Variants in CSRNP3 observed in about 807,000 individuals in gnomAD.
The protein encoded by CSRNP3 is cysteine/serine-rich nuclear protein 3.
A neutral mutation model predicts 48.0 loss-of-function variants in CSRNP3; 12 were observed. The ratio of observed to expected loss-of-function variants is 0.25; its 90% CI spans 0.16 to 0.41. CSRNP3 has a LOEUF of 0.41. Among genes scored for constraint, CSRNP3 ranks in the 10% least tolerant of loss-of-function variants. CSRNP3 has a pLI of 1.00. For missense variants in CSRNP3, 580 were observed against 724.4 expected (o/e 0.80, Z 2.29); for synonymous variants, 263 against 269.7 (o/e 0.98, Z 0.24).
chr2:165,475,373 T>G (rs1683947022), intron 1 of CSRNP3, among the ~76,000 whole-genome samples: 1 of 152,146 alleles, frequency 6.6e-6, no homozygotes, highest in Admixed American at 6.6e-5. Flanking sequence ...AAAACTGATC[T>G]TGGGGATGCC....
chr2:165,613,480 T>C (rs1686174165), intron 4 of CSRNP3, among the ~76,000 whole-genome samples: 1 of 152,166 alleles, frequency 6.6e-6, no homozygotes, highest in Non-Finnish European at 1.5e-5. Flanking sequence ...CTTAGACCAA[T>C]GAGATGAAGA....
At chr2:165,669,592 C>A (rs1365227226) in intron 5 of CSRNP3, among the ~76,000 whole-genome samples, 2 of 152,094 alleles carry the variant, frequency 1.3e-5, no homozygotes, top group Non-Finnish European at 2.9e-5. Flanking sequence ...TTTAGATGGG[C>A]AAAATGATTT....
At chr2:165,479,301 CA>C (rs1684009173) in intron 1 of CSRNP3, among the ~76,000 whole-genome samples, 1 of 151,922 alleles carries the variant, frequency 6.6e-6, no homozygotes. Context: ...AAAAACAAGA[CA>C]AAACAATATC....
chr2:165,586,521 A>G (rs1302075821), intron 3 of CSRNP3, among the ~76,000 whole-genome samples: 1 of 152,144 alleles, frequency 6.6e-6, no homozygotes, highest in East Asian at 1.9e-4. Flanking sequence ...CTGAAATTTA[A>G]ATTTAACTGG....
At chr2:165,530,816 A>T (rs1313223874) in intron 3 of CSRNP3, among the ~76,000 whole-genome samples, 1 of 152,114 alleles carries the variant, frequency 6.6e-6, no homozygotes, top group Admixed American at 6.5e-5. Context: ...TCTAAGGCAT[A>T]CATTTCCTGA....
chr2:165,678,765 T>A lies in CSRNP3; in HGVS notation c.770T>A (p.Ile257Asn). The change falls in exon 7 of 7, where the codon ATT becomes AAT. Residue 257 changes from isoleucine (I) to asparagine (N), a missense_variant. Ile to Asn is a moderately radical substitution (Grantham distance 149). Transcript: ENST00000651982. ...KEGCSNTAGR[I>N]EFNPIRVRTH... The stretch of plus-strand genomic sequence containing the variant: ...GGATGTAGTAACACAGCAGGTAGAA[T>A]TGAATTTAATCCTATCCGTGTTCGG... 1 of 1,614,056 alleles carries A rather than the reference T, an allele frequency of 6.2e-7. No individual in the cohort carries two copies. Among genetic ancestry groups the A allele is most frequent in the South Asian group, 1.1e-5 (1 of 91,082 alleles).
chr2:165,552,005 C>T (rs989374081), intron 3 of CSRNP3, among the ~76,000 whole-genome samples: 3 of 152,170 alleles, frequency 2.0e-5, no homozygotes, highest in African/African-American at 7.2e-5. Flanking sequence ...GATAAATCAT[C>T]AAGACAGCTA....
At position 165,658,449 on chromosome 2, in the gene CSRNP3, GT is replaced by G. The variant is rs553511197; in HGVS notation, c.408+430del. The stretch of plus-strand genomic sequence containing the variant: ...TGAAAGTTTATAATAGGGAATTGAT[GT>G]GGTCAAGGAGGTCAAGGAAAGCTTT... On this transcript the variant is annotated intron_variant, in intron 5 of 6. Coordinates refer to ENST00000651982, the MANE Select transcript of CSRNP3 (RefSeq NM_001172173.2). Among the ~76,000 whole-genome samples, 88 of 152,318 alleles carry G rather than the reference GT, an allele frequency of 5.8e-4. No individual in the cohort carries two copies. In the East Asian group the frequency reaches 7.9e-3, roughly 14 times the overall value.
intron 4 of CSRNP3, among the ~76,000 whole-genome samples, chr2:165,630,752 T>G (rs1686521421): frequency 1.3e-5 from 2 of 152,242 alleles, no homozygotes; most frequent in African/African-American, 4.8e-5. Flanking sequence ...AGTGGGAATT[T>G]TATCAGAAAT....
chr2:165,633,992 A>G (rs187667950), intron 4 of CSRNP3, among the ~76,000 whole-genome samples: 1 of 152,320 alleles, frequency 6.6e-6, no homozygotes, highest in East Asian at 1.9e-4. Flanking sequence ...CTGTTACGCT[A>G]TTAAACCAAT....
intron 4 of CSRNP3, among the ~76,000 whole-genome samples, chr2:165,657,028 T>C (rs1687016053): frequency 6.6e-6 from 1 of 152,176 alleles, no homozygotes; most frequent in Admixed American, 6.5e-5. Context: ...AAATAAACCA[T>C]TTTTAGTTTT....
At chr2:165,548,264 G>T (rs1353240381) in intron 3 of CSRNP3, among the ~76,000 whole-genome samples, 1 of 151,996 alleles carries the variant, frequency 6.6e-6, no homozygotes, top group African/African-American at 2.4e-5. Context: ...GGGATTGGGG[G>T]TCTTAACATG....
At chr2:165,583,820 A>G (rs1475168196) in intron 3 of CSRNP3, among the ~76,000 whole-genome samples, 2 of 152,206 alleles carry the variant, frequency 1.3e-5, no homozygotes, top group African/African-American at 2.4e-5. Context: ...AACAAACACA[A>G]GCATGTACAA....
At chr2:165,526,647 T>C (rs1684735416) in intron 3 of CSRNP3, among the ~76,000 whole-genome samples, 1 of 152,208 alleles carries the variant, frequency 6.6e-6, no homozygotes, top group Non-Finnish European at 1.5e-5. Flanking sequence ...ACCCCTACTG[T>C]CCAATTATCT....
chr2:165,648,681 G>A (rs1268996240), intron 4 of CSRNP3, among the ~76,000 whole-genome samples: 2 of 152,056 alleles, frequency 1.3e-5, no homozygotes, highest in Non-Finnish European at 2.9e-5. Flanking sequence ...AGAATTAGTG[G>A]GGAAGAGGAG....
chr2:165,676,659 C>G, intron 6 of CSRNP3, 51 bp downstream of exon 6: 1 of 1,531,532 alleles, frequency 6.5e-7, no homozygotes, highest in Non-Finnish European at 9.0e-7. Flanking sequence ...GTCTACCACC[C>G]CCTAAGGAGG....
chr2:165,673,143 T>TTTTTC (rs1687358486), intron 5 of CSRNP3, among the ~76,000 whole-genome samples: 1 of 138,914 alleles, frequency 7.2e-6, no homozygotes, highest in Admixed American at 7.3e-5. Context: ...TTTTTTTTTT[T>TTTTTC]TTTTTTTTTT....
chr2:165,626,487 C>G (rs758238255), intron 4 of CSRNP3, among the ~76,000 whole-genome samples: 1 of 152,180 alleles, frequency 6.6e-6, no homozygotes, highest in Non-Finnish European at 1.5e-5. Flanking sequence ...ACATAAACAC[C>G]TTATTTCCCC....
At chr2:165,508,119 C>T (rs1226826356) in intron 2 of CSRNP3, among the ~76,000 whole-genome samples, 2 of 151,782 alleles carry the variant, frequency 1.3e-5, no homozygotes, top group African/African-American at 2.4e-5. Flanking sequence ...TTTTTAGAAT[C>T]GATTTCTATT....
Sources: gnomAD v4.1 joint callset for allele counts (sites outside exome capture counted in the v4.1 genomes callset) on GRCh38, gnomAD v4.1.1 for gene constraint, MANE v1.5 for transcripts, NCBI Gene and HGNC (gene_info 2026-07-23, HGNC 2026-07-21) for gene names.